The following MEIS1 variants were observed in gnomAD, a reference collection of about 807,000 sequenced individuals.
MEIS1 encodes homeobox protein Meis1.
A neutral mutation model predicts 50.8 loss-of-function variants in MEIS1; 5 were observed. That is an observed-to-expected ratio of 0.10 (90% CI 0.05 to 0.21). The LOEUF (loss-of-function observed/expected upper bound fraction) is 0.21. Ranked by LOEUF, MEIS1 falls within the 10% of genes least tolerant of loss-of-function variation. The pLI, the probability that MEIS1 is intolerant of heterozygous loss-of-function variation, is 1.00. For synonymous variants in MEIS1, 176 were observed against 179.3 expected (o/e 0.98, Z 0.15); for missense variants, 318 against 517.3 (o/e 0.61, Z 3.74).
intron 7 of MEIS1, among the ~76,000 whole-genome samples, chr2:66,492,955 G>A (rs1342281902): frequency 6.6e-6 from 1 of 152,156 alleles, no homozygotes; most frequent in Non-Finnish European, 1.5e-5. Context: ...TGCCCACACA[G>A]GTAGACCTCC....
chr2:66,495,080 C>CTTTTTTTTTTTTTTTTTTTTTT lies in MEIS1; in HGVS notation c.743-17062_743-17041dup, dbSNP rs70943701. 2.2e-5 allele frequency among the ~76,000 whole-genome samples: 2 copies of CTTTTTTTTTTTTTTTTTTTTTT among 91,492 alleles called. 1 individual carries two copies. The allele number at this position is 91,492 out of a possible 152,430, so 60.0% of individuals were successfully genotyped here. A position where few individuals can be genotyped will look rare whatever the true frequency, so the allele number is the denominator to read the frequency against. ...GAATGCCCACTTTCCCTCTTCTGAC[C>CTTTTTTTTTTTTTTTTTTTTTT]TTTTTTTTTTTTTTTTTTTTTTTTT... On this transcript the variant is annotated intron_variant, in intron 7 of 12. Coordinates refer to ENST00000272369, the MANE Select transcript of MEIS1 (RefSeq NM_002398.3).
chr2:66,471,025 G>C (rs1672749965), intron 7 of MEIS1, among the ~76,000 whole-genome samples: 1 of 152,150 alleles, frequency 6.6e-6, no homozygotes, highest in South Asian at 2.1e-4. Context: ...TAGTTTTCTT[G>C]ATCACTTTTA....
At chr2:66,477,485 C>T (rs1335476964) in intron 7 of MEIS1, among the ~76,000 whole-genome samples, 1 of 152,172 alleles carries the variant, frequency 6.6e-6, no homozygotes, top group African/African-American at 2.4e-5. Context: ...TACACCCTTG[C>T]TGGGCAGAGG....
At chr2:66,528,321 G>T (rs1420120572) in intron 8 of MEIS1, among the ~76,000 whole-genome samples, 1 of 152,110 alleles carries the variant, frequency 6.6e-6, no homozygotes, top group African/African-American at 2.4e-5. Context: ...TACAGAGGTG[G>T]CATGAATTAA....
At position 66,572,947 on chromosome 2, in the gene MEIS1, C is replaced by G. The variant is rs1675512137; in HGVS notation, c.*1739C>G. The stretch of plus-strand genomic sequence containing the variant: ...TGACTTAATGAACTCCTAATATCAG[C>G]AAATTTGAGGCCTAAAGGCACTAAA... On this transcript the variant is annotated 3_prime_UTR_variant, in exon 13 of 13. Coordinates refer to ENST00000272369, the MANE Select transcript of MEIS1 (RefSeq NM_002398.3). 6.6e-6 allele frequency: 1 copy of G among 152,202 alleles called. No homozygotes were observed. The highest frequency in any genetic ancestry group is 1.5e-5 in the Non-Finnish European group (1 of 68,034). The allele number at this position is 152,202 out of a possible 1,614,324, so 9.4% of individuals were successfully genotyped here.
chr2:66,466,677 G>C lies in MEIS1; in HGVS notation c.742+2457G>C, dbSNP rs1022716049. Among the ~76,000 whole-genome samples, 4 of 152,178 alleles carry C rather than the reference G, an allele frequency of 2.6e-5. No individual in the cohort carries two copies. In the East Asian group the frequency reaches 7.7e-4, roughly 29 times the overall value. On this transcript the variant is annotated intron_variant, in intron 7 of 12. Transcript: ENST00000272369. ...TGGCCTGTAGTACATGTCCTAAATA[G>C]TTATTTACACAGTTTGAGTCCATTT...
intron 7 of MEIS1, among the ~76,000 whole-genome samples, chr2:66,482,515 TTC>T (rs781014730): frequency 6.6e-6 from 1 of 152,192 alleles, no homozygotes; most frequent in African/African-American, 2.4e-5. Flanking sequence ...TGTCTACCAG[TTC>T]TCTCTCTCTG....
chr2:66,533,548 A>C (rs1674444791), intron 8 of MEIS1, among the ~76,000 whole-genome samples: 1 of 152,140 alleles, frequency 6.6e-6, no homozygotes, highest in Non-Finnish European at 1.5e-5. Context: ...TTTAAGTTAG[A>C]ATCTAGTAAT....
At position 66,569,306 on chromosome 2, in the gene MEIS1, C is replaced by G. The variant is rs551916960; in HGVS notation, c.*37+161C>G. The G allele has an allele frequency of 2.1e-4, 123 of 592,058 alleles. 4 individuals carry two copies. The highest frequency in any genetic ancestry group is 1.1e-3 in the East Asian group (36 of 32,570). The allele number at this position is 592,058 out of a possible 1,614,324, so 36.7% of individuals were successfully genotyped here. On this transcript the variant is annotated intron_variant, in intron 12 of 12. Coordinates refer to ENST00000272369, the MANE Select transcript of MEIS1 (RefSeq NM_002398.3). ...CATTTTCTTTTTGGTTGTGATCAAGCTTTTAAGCTTATAAATACTGTGTAT... is the reference window on the plus strand; with the variant it reads ...CATTTTCTTTTTGGTTGTGATCAAGGTTTTAAGCTTATAAATACTGTGTAT...
chr2:66,535,497 A>G (rs1281472055), intron 8 of MEIS1, among the ~76,000 whole-genome samples: 1 of 152,200 alleles, frequency 6.6e-6, no homozygotes, highest in Non-Finnish European at 1.5e-5. Flanking sequence ...AAGATATTCC[A>G]TGAACATTTG....
chr2:66,533,801 C>T (rs894695676), intron 8 of MEIS1, among the ~76,000 whole-genome samples: 9 of 152,154 alleles, frequency 5.9e-5, no homozygotes, highest in African/African-American at 2.2e-4. Flanking sequence ...GTGTCACTTA[C>T]AGGCAGCACA....
chr2:66,568,007 T>C (rs924008743), intron 10 of MEIS1: 5 of 200,088 alleles, frequency 2.5e-5, no homozygotes, highest in Non-Finnish European at 4.1e-5. Context: ...AAGCAGCTTT[T>C]CATGTACAGT....
At chr2:66,525,277 G>A (rs891461941) in intron 8 of MEIS1, among the ~76,000 whole-genome samples, 1 of 152,232 alleles carries the variant, frequency 6.6e-6, no homozygotes, top group African/African-American at 2.4e-5. Flanking sequence ...GCTATGGCAT[G>A]CATTTAAATT....
At chr2:66,558,968 C>G (rs988827077) in intron 9 of MEIS1, among the ~76,000 whole-genome samples, 2 of 152,042 alleles carry the variant, frequency 1.3e-5, no homozygotes, top group Non-Finnish European at 2.9e-5. Flanking sequence ...ATGGCGAAAC[C>G]CTGTCTCTAC....
intron 7 of MEIS1, among the ~76,000 whole-genome samples, chr2:66,497,112 C>T (rs1466761041): frequency 6.6e-6 from 1 of 152,094 alleles, no homozygotes; most frequent in African/African-American, 2.4e-5. Flanking sequence ...GGAGAGCATA[C>T]AGCAATAAGA....
intron 6 of MEIS1, among the ~76,000 whole-genome samples, chr2:66,452,091 T>C (rs1672289490): frequency 6.6e-6 from 1 of 151,876 alleles, no homozygotes; most frequent in Non-Finnish European, 1.5e-5. Flanking sequence ...GAACAGAAAC[T>C]TTAGCAGTAC....
chr2:66,449,515 A>G (rs562839545), intron 6 of MEIS1, among the ~76,000 whole-genome samples: 1 of 152,258 alleles, frequency 6.6e-6, no homozygotes, highest in South Asian at 2.1e-4. Flanking sequence ...TCAAGATTAT[A>G]GGAATTTAGA....
At chr2:66,555,836 A>G (rs1467955720) in intron 9 of MEIS1, among the ~76,000 whole-genome samples, 1 of 152,196 alleles carries the variant, frequency 6.6e-6, no homozygotes, top group Non-Finnish European at 1.5e-5. Flanking sequence ...ATATTAAAAA[A>G]TGGGGCAAAT....
chr2:66,456,236 A>G (rs1404505995), intron 6 of MEIS1, among the ~76,000 whole-genome samples: 3 of 18,022 alleles, frequency 1.7e-4, no homozygotes, highest in Admixed American at 1.1e-3. Flanking sequence ...TGATTTTTAT[A>G]CACACACACA....
Sources: allele counts gnomAD v4.1 joint callset (sites outside exome capture counted in the v4.1 genomes callset), GRCh38; gene constraint gnomAD v4.1.1; transcripts MANE v1.5; gene names NCBI Gene and HGNC (gene_info 2026-07-23, HGNC 2026-07-21).